OGDH: variants seen among roughly 807,000 people sequenced by gnomAD.
OGDH encodes the protein oxoglutarate dehydrogenase, also known as 2-oxoglutarate dehydrogenase complex component E1.
Under a neutral mutation model 116.6 loss-of-function variants are expected in OGDH, and 38 were observed. That is an observed-to-expected ratio of 0.33 (90% CI 0.25 to 0.43). The LOEUF is 0.43. Among genes scored for constraint, OGDH ranks in the 20% least tolerant of loss-of-function variants. The pLI is 1.00. For synonymous variants in OGDH, 488 were observed against 533.3 expected, an observed-to-expected ratio of 0.92 and a Z score of 1.17; for missense variants, 825 against 1,357.2, an observed-to-expected ratio of 0.61 and a Z score of 6.16.
At chr7:44,699,613 G>T (rs1369455519) in intron 18 of OGDH, among the ~76,000 whole-genome samples, 1 of 152,152 alleles carries the variant, frequency 6.6e-6, no homozygotes, top group East Asian at 1.9e-4. Context: ...GCTGGCCGAA[G>T]GAGCTTGCTG....
At chr7:44,638,645 C>T (rs1290174013) in intron 2 of OGDH, among the ~76,000 whole-genome samples, 1 of 152,328 alleles carries the variant, frequency 6.6e-6, no homozygotes, top group Non-Finnish European at 1.5e-5. Flanking sequence ...GAAAATGCAG[C>T]TTAGGCAGCC....
Position 44,666,855 on chromosome 7 carries a change from A to G in OGDH, c.633+4A>G. ...GGAGATCATCCGTCGGCTGGAGGTA[A>G]GAGCAGTTTCTGGAAAAATCTAATG... On this transcript the variant is annotated splice_donor_region_variant and intron_variant, in intron 5 of 22. Coordinates refer to ENST00000222673, the MANE Select transcript of OGDH (RefSeq NM_002541.4). 6.3e-7 allele frequency: 1 copy of G among 1,595,548 alleles called. No homozygotes were observed. Among genetic ancestry groups the G allele is most frequent in the East Asian group, 2.3e-5 (1 of 44,106 alleles).
intron 10 of OGDH, among the ~76,000 whole-genome samples, chr7:44,683,374 G>A (rs1054689882): frequency 2.6e-5 from 4 of 151,904 alleles, no homozygotes; most frequent in African/African-American, 4.8e-5. Context: ...GACTATAGAC[G>A]TGCACCACCA....
At chr7:44,688,896 T>G (rs902253006) in intron 10 of OGDH, among the ~76,000 whole-genome samples, 17 of 151,824 alleles carry the variant, frequency 1.1e-4, no homozygotes, top group African/African-American at 4.1e-4. Context: ...ACTGTAGGTG[T>G]GCACCACCAT....
intron 2 of OGDH, among the ~76,000 whole-genome samples, chr7:44,625,316 G>A (rs972037680): frequency 6.6e-6 from 1 of 152,012 alleles, no homozygotes; most frequent in Non-Finnish European, 1.5e-5. Flanking sequence ...GTAGAGATGG[G>A]ATTTTACTTT....
intron 2 of OGDH, among the ~76,000 whole-genome samples, chr7:44,634,230 AG>A (rs1392620014): frequency 1.3e-5 from 2 of 152,238 alleles, no homozygotes; most frequent in East Asian, 3.8e-4. Flanking sequence ...AGCTCCAGAC[AG>A]GGAAAAGAAA....
At chr7:44,659,963 A>G (rs1786865032) in intron 4 of OGDH, among the ~76,000 whole-genome samples, 1 of 151,832 alleles carries the variant, frequency 6.6e-6, no homozygotes, top group South Asian at 2.1e-4. Context: ...ACTTCTGCTT[A>G]TTGGCTTTTG....
At chr7:44,670,279 G>A (rs1363989859) in intron 5 of OGDH, among the ~76,000 whole-genome samples, 3 of 152,276 alleles carry the variant, frequency 2.0e-5, no homozygotes, top group African/African-American at 7.2e-5. Context: ...GGCAGAGCCT[G>A]GGTAGCACAG....
Position 44,707,798 on chromosome 7 carries a change from A to G in OGDH, c.2951+62A>G. 1 of 1,611,132 alleles carries G rather than the reference A, an allele frequency of 6.2e-7. No individual in the cohort carries two copies. The highest frequency in any genetic ancestry group is 8.5e-7 in the Non-Finnish European group (1 of 1,178,180). On this transcript the variant is annotated intron_variant, in intron 22 of 22. Coordinates refer to ENST00000222673, the MANE Select transcript of OGDH (RefSeq NM_002541.4). The surrounding 1 kb of genome is among the most constrained non-coding windows in gnomAD (Gnocchi z 5.2). ...CCTCCCCTCAGGCCAGTAGGCAGTT[A>G]GCCAGGCACATGCAGCAGAGGGATG... is the stretch of plus-strand genomic sequence containing the variant.
chr7:44,696,712 CCT>C (rs1208955258), intron 14 of OGDH, among the ~76,000 whole-genome samples, 155 bp downstream of exon 14: 1 of 152,198 alleles, frequency 6.6e-6, no homozygotes, highest in Non-Finnish European at 1.5e-5. Flanking sequence ...GATGGAGCCA[CCT>C]CTCCCACTCC....
chr7:44,666,110 A>G (rs1787172648), intron 4 of OGDH, among the ~76,000 whole-genome samples: 1 of 152,156 alleles, frequency 6.6e-6, no homozygotes, highest in Non-Finnish European at 1.5e-5. Context: ...CAGGAATTTC[A>G]GGAGAAGACG....
intron 1 of OGDH, among the ~76,000 whole-genome samples, chr7:44,611,738 T>C (rs566531200): frequency 6.6e-6 from 1 of 152,172 alleles, no homozygotes; most frequent in Admixed American, 6.5e-5. Flanking sequence ...AAATTTTACA[T>C]TTAAATCTAT....
intron 4 of OGDH, among the ~76,000 whole-genome samples, chr7:44,662,543 A>G (rs912848432): frequency 4.7e-5 from 7 of 148,950 alleles, no homozygotes; most frequent in African/African-American, 1.5e-4. Context: ...GCTCACTGCA[A>G]CCTCCGCCTC....
chr7:44,636,503 C>T (rs1332851784), intron 2 of OGDH, among the ~76,000 whole-genome samples: 1 of 152,222 alleles, frequency 6.6e-6, no homozygotes, highest in African/African-American at 2.4e-5. Flanking sequence ...GACTCAGACT[C>T]TCCCAGGGTG....
intron 10 of OGDH, among the ~76,000 whole-genome samples, chr7:44,686,495 A>T (rs1055518246): frequency 6.6e-6 from 1 of 152,092 alleles, no homozygotes; most frequent in African/African-American, 2.4e-5. Flanking sequence ...TTTTGTTGTA[A>T]TGCCTTTATC....
chr7:44,704,884 T>C (rs1788995082), intron 20 of OGDH, among the ~76,000 whole-genome samples: 1 of 150,140 alleles, frequency 6.7e-6, no homozygotes, highest in African/African-American at 2.5e-5. Context: ...CTAATTTTTG[T>C]ATTTTTAGTA....
chr7:44,664,187 G>C (rs1236598579), intron 4 of OGDH, among the ~76,000 whole-genome samples: 1 of 152,188 alleles, frequency 6.6e-6, no homozygotes, highest in African/African-American at 2.4e-5. Flanking sequence ...CCCCACTGTG[G>C]TGGGGGAAGG....
At chr7:44,669,145 CTTTTTTTTTTT>C (rs869250474) in intron 5 of OGDH, among the ~76,000 whole-genome samples, 1 of 77,814 alleles carries the variant, frequency 1.3e-5, no homozygotes, top group Non-Finnish European at 2.2e-5. Flanking sequence ...AGCCCGGCAG[CTTTTTTTTTTT>C]TTTTTTTTTT....
intron 10 of OGDH, among the ~76,000 whole-genome samples, chr7:44,687,091 A>ATTTT (rs59074567): frequency 3.9e-4 from 37 of 95,528 alleles, no homozygotes; most frequent in African/African-American, 6.5e-4. Context: ...ATTTTTTTTA[A>ATTTT]TTTTTTTTTT....
Sources: allele counts gnomAD v4.1 joint callset (sites outside exome capture counted in the v4.1 genomes callset), GRCh38; gene constraint gnomAD v4.1.1; non-coding constraint Gnocchi (gnomAD v3.1); transcripts MANE v1.5; gene names NCBI Gene and HGNC (gene_info 2026-07-23, HGNC 2026-07-21).